The following DCC variants were observed in gnomAD, a reference collection of about 807,000 sequenced individuals.
DCC encodes the protein DCC netrin 1 receptor.
DCC carries 58 observed loss-of-function variants against 172.5 expected under a neutral mutation model. The ratio of observed to expected loss-of-function variants is 0.34; its 90% CI spans 0.27 to 0.42. The LOEUF is 0.42. Ranked by LOEUF, DCC falls within the 10% of genes least tolerant of loss-of-function variation. The pLI, the probability that DCC is intolerant of heterozygous loss-of-function variation, is 1.00. For synonymous variants in DCC, 709 were observed against 644.5 expected, an observed-to-expected ratio of 1.10 and a Z score of -1.52; for missense variants, 1,740 against 1,791.0, an observed-to-expected ratio of 0.97 and a Z score of 0.51.
At chr18:53,507,419 A>G (rs2046194262) in intron 27 of DCC, among the ~76,000 whole-genome samples, 2 of 152,236 alleles carry the variant, frequency 1.3e-5, no homozygotes, top group South Asian at 4.1e-4. Flanking sequence ...TGTGAAAAAC[A>G]GTCTTCGATT....
intron 13 of DCC, among the ~76,000 whole-genome samples, chr18:53,310,360 G>C (rs559970107): frequency 4.1e-4 from 63 of 151,964 alleles, no homozygotes; most frequent in Non-Finnish European, 4.3e-4. Flanking sequence ...TATTGATTTG[G>C]CTGTTTAAAA....
intron 1 of DCC, among the ~76,000 whole-genome samples, chr18:52,574,944 G>T (rs1207613235): frequency 6.6e-6 from 1 of 152,052 alleles, no homozygotes; most frequent in Non-Finnish European, 1.5e-5. Context: ...TTCTGAATTA[G>T]GTACACTGTA....
At chr18:53,060,777 C>T (rs1198387148) in intron 5 of DCC, among the ~76,000 whole-genome samples, 1 of 151,962 alleles carries the variant, frequency 6.6e-6, no homozygotes, top group African/African-American at 2.4e-5. Flanking sequence ...GTCCTACAAC[C>T]CCAAGTTGGA....
chr18:52,769,050 A>G (rs2037298976), intron 2 of DCC, among the ~76,000 whole-genome samples: 1 of 152,216 alleles, frequency 6.6e-6, no homozygotes, highest in Non-Finnish European at 1.5e-5. Flanking sequence ...GCAAGTCTTC[A>G]GTTCTAGGTT....
chr18:52,413,718 T>C (rs1986919667), intron 1 of DCC, among the ~76,000 whole-genome samples: 1 of 152,174 alleles, frequency 6.6e-6, no homozygotes. Context: ...AGCATACTTC[T>C]TTATAACATG....
Position 53,397,461 on chromosome 18 carries a change from G to A in DCC, c.2827+15G>A, listed in dbSNP as rs528346005. On this transcript the variant is annotated intron_variant, in intron 18 of 28. Coordinates refer to ENST00000442544, the MANE Select transcript of DCC (RefSeq NM_005215.4). Reference sequence around the variant, plus strand: ...GTATGAAGCAGGTATGTGAGGAAATGTCTACTTTGGACCCTTGATAATGGT... The same window carrying A: ...GTATGAAGCAGGTATGTGAGGAAATATCTACTTTGGACCCTTGATAATGGT... 1.2e-6 allele frequency: 2 copies of A among 1,613,762 alleles called. No individual in the cohort carries two copies. Among genetic ancestry groups the A allele is most frequent in the African/African-American group, 1.3e-5 (1 of 75,028 alleles).
intron 15 of DCC, among the ~76,000 whole-genome samples, chr18:53,369,364 A>C (rs570949688): frequency 2.0e-4 from 31 of 152,048 alleles, no homozygotes; most frequent in African/African-American, 7.5e-4. Flanking sequence ...TTTTAGCTAA[A>C]AACTGAAAAG....
chr18:53,071,982 G>A (rs1400095034), intron 7 of DCC, among the ~76,000 whole-genome samples: 1 of 152,052 alleles, frequency 6.6e-6, no homozygotes, highest in African/African-American at 2.4e-5. Flanking sequence ...TACAAAATTA[G>A]TTGGGCATGG....
intron 2 of DCC, among the ~76,000 whole-genome samples, chr18:52,851,377 T>C (rs1036398819): frequency 6.6e-6 from 1 of 152,052 alleles, no homozygotes; most frequent in East Asian, 1.9e-4. Flanking sequence ...TTTCAGACAA[T>C]AGAATTCCCA....
chr18:53,425,357 CTTT>C (rs747096336), intron 21 of DCC, among the ~76,000 whole-genome samples: 14 of 101,630 alleles, frequency 1.4e-4, no homozygotes, highest in Admixed American at 5.8e-4. Context: ...TTTCTCCTCT[CTTT>C]TTTTTTTTTT....
At chr18:53,365,266 A>T (rs56000442) in intron 15 of DCC, among the ~76,000 whole-genome samples, 55,166 of 151,556 alleles carry the variant, frequency 0.36, 10,398 homozygotes, top group Middle Eastern at 0.45. Flanking sequence ...CATCTTTTTA[A>T]GGCTGCATAG....
chr18:52,984,190 AATCT>A lies in DCC; in HGVS notation c.985+58825_985+58828del, dbSNP rs140551690. ...GTATAACAGAATGATTGATAGACAT[AATCT>A]ATCTGTTAAACACTGTAATTTGAGC... is the stretch of plus-strand genomic sequence containing the variant. On this transcript the variant is annotated intron_variant, in intron 5 of 28. Coordinates refer to ENST00000442544, the MANE Select transcript of DCC (RefSeq NM_005215.4). 8.2e-3 allele frequency among the ~76,000 whole-genome samples: 1,244 copies of A among 152,262 alleles called. 27 individuals are homozygous for A. The highest frequency in any genetic ancestry group is 0.028 in the African/African-American group (1,164 of 41,568).
intron 1 of DCC, among the ~76,000 whole-genome samples, chr18:52,582,965 T>C (rs9948155): frequency 0.12 from 18,401 of 152,150 alleles, 1,553 homozygotes; most frequent in East Asian, 0.39. Context: ...AAGTCCAACA[T>C]ACGTGTTTCT....
intron 9 of DCC, among the ~76,000 whole-genome samples, chr18:53,200,228 G>A (rs1328677450): frequency 6.6e-6 from 1 of 152,072 alleles, no homozygotes; most frequent in Non-Finnish European, 1.5e-5. Context: ...TATCAGATGG[G>A]GAAAAGTGCC....
At chr18:52,680,979 A>G (rs541155411) in intron 1 of DCC, among the ~76,000 whole-genome samples, 138 of 152,216 alleles carry the variant, frequency 9.1e-4, no homozygotes, top group Non-Finnish European at 1.7e-3. Flanking sequence ...CCTGAAAACT[A>G]TAGTGCCTGA....
At chr18:52,492,623 TGGGGCA>T (rs1426252660) in intron 1 of DCC, among the ~76,000 whole-genome samples, 1 of 151,498 alleles carries the variant, frequency 6.6e-6, no homozygotes, top group African/African-American at 2.4e-5. Flanking sequence ...GAAGTGGATA[TGGGGCA>T]AGTTTAATAG....
chr18:53,304,727 A>G lies in DCC; in HGVS notation c.1912-851A>G, dbSNP rs574427225. Among the ~76,000 whole-genome samples the G allele has an allele frequency of 3.9e-5, 6 of 152,282 alleles. No homozygotes were observed. In the South Asian group the frequency reaches 1.2e-3, roughly 32 times the overall value. The stretch of plus-strand genomic sequence containing the variant: ...TTGGAAGTCCTACCTTCCAAGTTAT[A>G]TAAGCAGGAACAATGTCTAGGAATC... On this transcript the variant is annotated intron_variant, in intron 12 of 28. Coordinates refer to ENST00000442544, the MANE Select transcript of DCC (RefSeq NM_005215.4).
intron 8 of DCC, among the ~76,000 whole-genome samples, chr18:53,170,472 T>C (rs1394186328): frequency 1.3e-5 from 2 of 152,244 alleles, no homozygotes; most frequent in African/African-American, 4.8e-5. Flanking sequence ...GGGAAACCTA[T>C]CTATGTAGCT....
Position 52,927,145 on chromosome 18 carries a change from A to ACG in DCC, c.985+1775_985+1776insCG, listed in dbSNP as rs1568192186. On this transcript the variant is annotated intron_variant, in intron 5 of 28. Coordinates refer to ENST00000442544, the MANE Select transcript of DCC (RefSeq NM_005215.4). The stretch of plus-strand genomic sequence containing the variant: ...TATATACACGTATATACGTGTATAT[A>ACG]TGTGTATATATACGTATATATGTGT... Among the ~76,000 whole-genome samples the ACG allele has an allele frequency of 8.0e-5, 6 of 74,590 alleles. 1 individual carries two copies. The highest frequency in any genetic ancestry group is 1.2e-4 in the Admixed American group (1 of 8,666). The allele number at this position is 74,590 out of a possible 152,430, so 48.9% of individuals were successfully genotyped here.
Sources: gnomAD v4.1 joint callset for allele counts (sites outside exome capture counted in the v4.1 genomes callset) on GRCh38, gnomAD v4.1.1 for gene constraint, MANE v1.5 for transcripts, NCBI Gene and HGNC (gene_info 2026-07-23, HGNC 2026-07-21) for gene names.